Variants in ZCCHC14 observed in about 807,000 individuals in gnomAD.
The protein encoded by ZCCHC14 is zinc finger CCHC-type containing 14, also known as zinc finger CCHC domain-containing protein 14.
Under a neutral mutation model 85.0 loss-of-function variants are expected in ZCCHC14, and 16 were observed. The observed-to-expected ratio is 0.19, with a 90% CI of 0.13 to 0.29. ZCCHC14 has a LOEUF of 0.29. Ranked by LOEUF, ZCCHC14 falls within the 10% of genes least tolerant of loss-of-function variation. The pLI, the probability that ZCCHC14 is intolerant of heterozygous loss-of-function variation, is 1.00. For missense variants in ZCCHC14, 1,303 were observed against 1,443.5 expected (o/e 0.90, Z 1.58); for synonymous variants, 775 against 630.7 (o/e 1.23, Z -3.43).
chr16:87,466,085 T>C (rs536976273), intron 1 of ZCCHC14, among the ~76,000 whole-genome samples: 1 of 152,176 alleles, frequency 6.6e-6, no homozygotes, highest in South Asian at 2.1e-4. Flanking sequence ...TGGCTGCAGG[T>C]TGTGACCCCC....
At chr16:87,444,854 G>A (rs566466281) in intron 2 of ZCCHC14, among the ~76,000 whole-genome samples, 11 of 152,262 alleles carry the variant, frequency 7.2e-5, no homozygotes, top group East Asian at 1.9e-4. Context: ...GACAATGGCC[G>A]GAATGGGAGT....
chr16:87,415,451 A>C, intron 8 of ZCCHC14, 84 bp from the exon 9 acceptor site: 1 of 1,184,180 alleles, frequency 8.4e-7, no homozygotes, highest in African/African-American at 1.5e-5. Context: ...AATTCAGTAC[A>C]TTTATTCTGC....
chr16:87,415,263 A>G lies in ZCCHC14; in HGVS notation c.1475+13T>C. On this transcript the variant is annotated intron_variant, in intron 9 of 12. Transcript: ENST00000671377. Reference sequence around the variant, plus strand: ...GAAATAAACACAGGTTTCAAAACCCACTTCACACTCACTTTTCCAGCTCCA... The same window carrying G: ...GAAATAAACACAGGTTTCAAAACCCGCTTCACACTCACTTTTCCAGCTCCA... 1 of 1,613,602 alleles carries G rather than the reference A, an allele frequency of 6.2e-7. No homozygotes were observed. Among genetic ancestry groups the G allele is most frequent in the South Asian group, 1.1e-5 (1 of 91,022 alleles).
rs1037133489 is a variant in ZCCHC14 at position 87,492,540 on chromosome 16, G to C, written c.-302C>G. The C allele has an allele frequency of 6.9e-6, 1 of 145,938 alleles. No individual in the cohort carries two copies. Among genetic ancestry groups the C allele is most frequent in the East Asian group, 2.0e-4 (1 of 5,010 alleles). The allele number at this position is 145,938 out of a possible 1,614,324, so 9.0% of individuals were successfully genotyped here. ...TCGGGCCCCCCGCTCACGGGGAGGC[G>C]CCTTCCCCGCGCCCGTGCCCAGCGG... On this transcript the variant is annotated 5_prime_UTR_variant, in exon 1 of 13. Coordinates refer to ENST00000671377, the MANE Select transcript of ZCCHC14 (RefSeq NM_015144.3). The surrounding 1 kb of genome is among the most constrained non-coding windows in gnomAD (Gnocchi z 6.7).
intron 1 of ZCCHC14, among the ~76,000 whole-genome samples, chr16:87,480,615 C>A (rs140161797): frequency 8.9e-4 from 136 of 152,282 alleles, no homozygotes; most frequent in African/African-American, 3.2e-3. Context: ...TGTACTACGG[C>A]GGCTTTTCAT....
chr16:87,425,940 T>C (rs546359217), intron 3 of ZCCHC14, among the ~76,000 whole-genome samples: 1 of 152,372 alleles, frequency 6.6e-6, no homozygotes, highest in Non-Finnish European at 1.5e-5. Flanking sequence ...CATCTTATGT[T>C]GAAACAGACA....
intron 2 of ZCCHC14, among the ~76,000 whole-genome samples, chr16:87,449,442 G>C (rs74038785): frequency 6.6e-6 from 1 of 152,136 alleles, no homozygotes; most frequent in Non-Finnish European, 1.5e-5. Context: ...ATGATCACGA[G>C]GGAGGAGAGA....
intron 1 of ZCCHC14, among the ~76,000 whole-genome samples, chr16:87,469,080 G>A (rs1447156677): frequency 6.6e-6 from 1 of 152,202 alleles, no homozygotes; most frequent in South Asian, 2.1e-4. Context: ...AAAAGTACTA[G>A]CATTTTTGTC....
chr16:87,453,544 C>T (rs1006181066), intron 2 of ZCCHC14, among the ~76,000 whole-genome samples: 3 of 152,210 alleles, frequency 2.0e-5, no homozygotes, highest in Non-Finnish European at 4.4e-5. Context: ...AGGCTCTGCA[C>T]GTGCCCGCCA....
chr16:87,460,017 G>A lies in ZCCHC14; in HGVS notation c.685C>T (p.His229Tyr). Residue 229 changes from histidine (H) to tyrosine (Y), a missense_variant, in exon 2 of 13, where the codon CAC becomes TAC. By Grantham distance (83) the His-to-Tyr change is moderately conservative. Around this residue, in one of 7 missense-constraint regions of ZCCHC14, gnomAD observed 389 missense variants for 397.8 expected, o/e 0.98. Transcript: ENST00000671377. ...CCGTGCGTGCACTCACCTTTGCTGT[G>A]TTTTCCTAAGGGCCTCTTGGGCAGC... ...ESLPKRPLGKHSKVSVEKIDL... is the reference protein window; with the variant it reads ...ESLPKRPLGKYSKVSVEKIDL... The A allele has an allele frequency of 6.2e-7, 1 of 1,614,162 alleles. No individual in the cohort carries two copies. The highest frequency in any genetic ancestry group is 8.5e-7 in the Non-Finnish European group (1 of 1,180,024).
In ZCCHC14 at chr16:87,409,004, G is replaced by A. The variant is rs542327254; in HGVS notation, c.*1276C>T. ...TAAGTCCGTAAATTTCAGACAAAAG[G>A]CTTTCATTTCCGTGGGTTGAAATTT... On this transcript the variant is annotated 3_prime_UTR_variant, in exon 13 of 13. Coordinates refer to ENST00000671377, the MANE Select transcript of ZCCHC14 (RefSeq NM_015144.3). 2.0e-5 allele frequency: 3 copies of A among 152,476 alleles called. No homozygotes were observed. Among genetic ancestry groups the A allele is most frequent in the African/African-American group, 7.3e-5 (3 of 41,378 alleles). 9.4% of individuals were successfully genotyped at this position (152,476 alleles called of 1,614,324 possible).
chr16:87,479,652 C>T (rs1433636944), intron 1 of ZCCHC14, among the ~76,000 whole-genome samples: 1 of 152,120 alleles, frequency 6.6e-6, no homozygotes, highest in Non-Finnish European at 1.5e-5. Context: ...CGAGGCTTAC[C>T]ATGATTTAAA....
chr16:87,426,211 C>T (rs143649893), intron 3 of ZCCHC14, among the ~76,000 whole-genome samples: 2 of 152,266 alleles, frequency 1.3e-5, no homozygotes, highest in East Asian at 1.9e-4. Flanking sequence ...GCCGACTTGC[C>T]CCAGAGAGCC....
chr16:87,460,979 C>T (rs573455962), intron 1 of ZCCHC14, among the ~76,000 whole-genome samples: 9 of 152,204 alleles, frequency 5.9e-5, no homozygotes, highest in Non-Finnish European at 8.8e-5. Flanking sequence ...AGTACTCACA[C>T]GTGAGAAAAT....
At chr16:87,488,539 G>A (rs1213321556) in intron 1 of ZCCHC14, among the ~76,000 whole-genome samples, 8 of 152,288 alleles carry the variant, frequency 5.3e-5, no homozygotes, top group Non-Finnish European at 8.8e-5. Flanking sequence ...ACAAGGAATT[G>A]CAAATAATGA....
chr16:87,459,951 G>C (rs574577116), intron 2 of ZCCHC14, 57 bp downstream of exon 2: 2 of 1,612,120 alleles, frequency 1.2e-6, no homozygotes, highest in Non-Finnish European at 1.7e-6. Flanking sequence ...CGGGGATCTG[G>C]GGTGTGCCCA....
At chr16:87,451,400 G>A (rs569836745) in intron 2 of ZCCHC14, among the ~76,000 whole-genome samples, 1 of 143,550 alleles carries the variant, frequency 7.0e-6, no homozygotes, top group South Asian at 2.2e-4. Context: ...GTTTCACCAT[G>A]TTGATCAGAC....
chr16:87,479,272 C>A (rs1424788903), intron 1 of ZCCHC14, among the ~76,000 whole-genome samples: 1 of 151,794 alleles, frequency 6.6e-6, no homozygotes, highest in Non-Finnish European at 1.5e-5. Flanking sequence ...AAAAATTAGC[C>A]GGGTGTGGTG....
At chr16:87,449,406 TTCCTGGGCTCCTAGGCCCTCCA>T (rs1401911404) in intron 2 of ZCCHC14, among the ~76,000 whole-genome samples, 67 of 152,050 alleles carry the variant, frequency 4.4e-4, no homozygotes, top group African/African-American at 1.5e-3. Context: ...GGCACCATGG[TTCCTGGGCTCCTAGGCCCTCCA>T]TCCATGATCA....
Sources: allele counts gnomAD v4.1 joint callset (sites outside exome capture counted in the v4.1 genomes callset), GRCh38; gene constraint gnomAD v4.1.1; regional missense constraint gnomAD v4.1.1; non-coding constraint Gnocchi (gnomAD v3.1); transcripts MANE v1.5; gene names NCBI Gene and HGNC (gene_info 2026-07-23, HGNC 2026-07-21).